The following GSE1 variants were observed in gnomAD, a reference collection of about 807,000 sequenced individuals.
The protein encoded by GSE1 is genetic suppressor element 1.
GSE1 carries 32 observed loss-of-function variants against 112.6 expected under a neutral mutation model. That is an observed-to-expected ratio of 0.28 (90% confidence interval 0.21 to 0.38). GSE1 has a LOEUF of 0.38. GSE1 is among the 10% of genes least tolerant of loss of function. The pLI is 1.00. For synonymous variants in GSE1, 1,115 were observed against 735.6 expected, an observed-to-expected ratio of 1.52 and a Z score of -8.35; for missense variants, 2,348 against 1,699.2, an observed-to-expected ratio of 1.38 and a Z score of -6.71.
Position 85,528,752 on chromosome 16 carries a change from G to A in GSE1, c.2465-105162G>A, listed in dbSNP as rs139582892. 1.8e-3 allele frequency among the ~76,000 whole-genome samples: 268 copies of A among 152,212 alleles called. 1 individual carries two copies. The highest frequency in any genetic ancestry group is 6.1e-3 in the African/African-American group (255 of 41,534). ...GCACAGAAGAAACCAAGGGTGGTGG[G>A]ATGTCTTATCGTCTGGGGGAAGTGC... On this transcript the variant is annotated intron_variant, in intron 2 of 2. Coordinates refer to the GSE1 transcript ENST00000637419.
intron 1 of GSE1, among the ~76,000 whole-genome samples, chr16:85,286,796 G>A (rs2045041520): frequency 6.6e-6 from 1 of 151,964 alleles, no homozygotes; most frequent in Non-Finnish European, 1.5e-5. Flanking sequence ...AGACGAGTTC[G>A]TATGATCAGC....
chr16:85,171,039 G>A (rs958125765), exon 1 of GSE1: 40 of 985,650 alleles, frequency 4.1e-5, no homozygotes, highest in Admixed American at 6.1e-5. Flanking sequence ...GCAACGCCAG[G>A]AGCGCCATGC....
At chr16:85,620,597 C>T (rs539020141) in intron 1 of GSE1, among the ~76,000 whole-genome samples, 12 of 152,354 alleles carry the variant, frequency 7.9e-5, no homozygotes, top group Admixed American at 1.3e-4. Flanking sequence ...TGCCGCCCGT[C>T]GGGAGGGTGC....
intron 2 of GSE1, among the ~76,000 whole-genome samples, chr16:85,366,125 G>A (rs1355258499): frequency 6.6e-6 from 1 of 152,276 alleles, no homozygotes; most frequent in Non-Finnish European, 1.5e-5. Flanking sequence ...CCGGGAAGGC[G>A]GGACTGCGCT....
intron 2 of GSE1, among the ~76,000 whole-genome samples, chr16:85,409,480 T>C (rs1450226968): frequency 4.5e-4 from 2 of 4,418 alleles, no homozygotes; most frequent in African/African-American, 5.4e-4. Flanking sequence ...CAGGCCCCCC[T>C]GGATAATCCT....
intron 1 of GSE1, among the ~76,000 whole-genome samples, chr16:85,325,221 A>C (rs1446651655): frequency 6.6e-6 from 1 of 152,014 alleles, no homozygotes; most frequent in Non-Finnish European, 1.5e-5. Context: ...CTCCCACCTC[A>C]GTCTCTCAAA....
intron 2 of GSE1, among the ~76,000 whole-genome samples, chr16:85,515,890 T>G (rs1347233433): frequency 6.6e-6 from 1 of 152,136 alleles, no homozygotes; most frequent in Non-Finnish European, 1.5e-5. Context: ...CCCCACCGGC[T>G]CTGGCCAGTG....
chr16:85,463,408 C>G (rs1375011722), intron 2 of GSE1, among the ~76,000 whole-genome samples: 1 of 152,242 alleles, frequency 6.6e-6, no homozygotes, highest in Non-Finnish European at 1.5e-5. Flanking sequence ...GGAGGCTGCC[C>G]TCAGACCCCG....
chr16:85,548,813 C>T (rs1055507558), intron 2 of GSE1, among the ~76,000 whole-genome samples: 5 of 151,890 alleles, frequency 3.3e-5, no homozygotes, highest in African/African-American at 9.7e-5. Flanking sequence ...TTGTTGGAGA[C>T]GGAGTCTCAC....
intron 1 of GSE1, among the ~76,000 whole-genome samples, chr16:85,338,663 G>T (rs758883407): frequency 5.3e-5 from 8 of 152,196 alleles, no homozygotes; most frequent in Non-Finnish European, 1.0e-4. Flanking sequence ...GCTCCTAAAG[G>T]CCCGGTAGTA....
intron 1 of GSE1, among the ~76,000 whole-genome samples, chr16:85,226,760 TGTGTGTGTGTGTGTGTGTG>T (rs986188059): frequency 3.0e-4 from 1 of 3,318 alleles, no homozygotes. Context: ...CCTGGACTGG[TGTGTGTGTGTGTGTGTGTG>T]TGTGTGTGTG....
intron 1 of GSE1, among the ~76,000 whole-genome samples, chr16:85,226,051 C>G (rs763139933): frequency 4.6e-5 from 7 of 152,156 alleles, no homozygotes; most frequent in Non-Finnish European, 1.0e-4. Context: ...GCGCTGGTTT[C>G]CCCCTAAGCA....
At position 85,671,439 on chromosome 16, in the gene GSE1, C is replaced by CAAAAAAAAAAAA. The variant is rs1159665909; in HGVS notation, c.3519+348_3519+359dup. 4.2e-3 allele frequency among the ~76,000 whole-genome samples: 259 copies of CAAAAAAAAAAAA among 61,112 alleles called. 2 individuals are homozygous for CAAAAAAAAAAAA. Among genetic ancestry groups the CAAAAAAAAAAAA allele is most frequent in the Middle Eastern group, 0.012 (1 of 82 alleles). 40.1% of individuals were successfully genotyped at this position (61,112 alleles called of 152,430 possible). A position where few individuals can be genotyped will look rare whatever the true frequency, so the allele number is the denominator to read the frequency against. ...TGGGCGACAGAGCGAGACTCCGTCT[C>CAAAAAAAAAAAA]AAAAAAAAAAAAAAAAAAGATCAAA... On this transcript the variant is annotated intron_variant, in intron 15 of 15. Transcript: ENST00000253458.
intron 1 of GSE1, among the ~76,000 whole-genome samples, chr16:85,563,575 C>T (rs1056662808): frequency 7.9e-5 from 12 of 152,160 alleles, no homozygotes; most frequent in Admixed American, 6.5e-4. Context: ...AGAGGGTGAT[C>T]CCACCCCATT....
Position 85,672,720 on chromosome 16 carries a change from T to A in GSE1, c.*181T>A. ...TGAACTCACCTTGACGTCAATGCAA[T>A]TGAATCACCGTTGTCATTCAGCGAG... On this transcript the variant is annotated 3_prime_UTR_variant, in exon 16 of 16. Coordinates refer to ENST00000253458, the MANE Select transcript of GSE1 (RefSeq NM_014615.5). The A allele has an allele frequency of 2.3e-6, 1 of 430,600 alleles. No homozygotes were observed. Among genetic ancestry groups the A allele is most frequent in the Non-Finnish European group, 4.1e-6 (1 of 245,108 alleles). The allele number at this position is 430,600 out of a possible 1,614,324, so 26.7% of individuals were successfully genotyped here. A position where few individuals can be genotyped will look rare whatever the true frequency, so the allele number is the denominator to read the frequency against.
intron 2 of GSE1, among the ~76,000 whole-genome samples, chr16:85,478,931 T>TTTC (rs2050580969): frequency 2.2e-5 from 2 of 89,400 alleles, no homozygotes; most frequent in Non-Finnish European, 4.2e-5. Context: ...TTCTTTCTCT[T>TTTC]TCTTTCTTTC....
chr16:85,296,941 G>A (rs1041186090), intron 1 of GSE1, among the ~76,000 whole-genome samples: 5 of 152,206 alleles, frequency 3.3e-5, no homozygotes, highest in African/African-American at 4.8e-5. Context: ...CTGCTCCCCC[G>A]GCGCTTCCCC....
At chr16:85,422,050 T>C (rs1028952561) in intron 2 of GSE1, among the ~76,000 whole-genome samples, 1 of 152,026 alleles carries the variant, frequency 6.6e-6, no homozygotes, top group Non-Finnish European at 1.5e-5. Flanking sequence ...CCACGGCCCA[T>C]GTACAGGAAC....
chr16:85,349,950 C>T (rs763309692), intron 1 of GSE1, among the ~76,000 whole-genome samples: 5 of 152,228 alleles, frequency 3.3e-5, no homozygotes, highest in Non-Finnish European at 7.3e-5. Context: ...TGAGCACCTA[C>T]TGTGCCCTGG....
Sources: gnomAD v4.1 joint callset for allele counts (sites outside exome capture counted in the v4.1 genomes callset) on GRCh38, gnomAD v4.1.1 for gene constraint, MANE v1.5 for transcripts, NCBI Gene and HGNC (gene_info 2026-07-23, HGNC 2026-07-21) for gene names.